The following WNT2 variants were observed in gnomAD, a reference collection of about 807,000 sequenced individuals.
WNT2 encodes the protein Wnt family member 2, also known as protein Wnt-2.
In WNT2, 12 loss-of-function variants were observed where a neutral mutation model predicts 36.9. That is an observed-to-expected ratio of 0.33 (90% confidence interval 0.21 to 0.53). The LOEUF (loss-of-function observed/expected upper bound fraction) is 0.53, where lower values mean the gene tolerates loss of function less well. Among genes scored for constraint, WNT2 ranks in the 20% least tolerant of loss-of-function variants. The pLI is 0.95. For missense variants in WNT2, 379 were observed against 473.1 expected, an observed-to-expected ratio of 0.80 and a Z score of 1.84; for synonymous variants, 163 against 174.6, an observed-to-expected ratio of 0.93 and a Z score of 0.52.
intron 3 of WNT2, 113 bp from the exon 4 acceptor site, chr7:117,297,989 G>A (rs550274908): frequency 3.3e-5 from 45 of 1,365,472 alleles, no homozygotes; most frequent in Non-Finnish European, 4.3e-5. Context: ...GGATCCTGGG[G>A]CAAGTGACTG....
chr7:117,315,068 T>G lies in WNT2; in HGVS notation c.588+3A>C. On this transcript the variant is annotated splice_donor_region_variant and intron_variant, in intron 3 of 4. Transcript: ENST00000265441. ...CAAAATGAGCACCGTTGCATTTCCA[T>G]ACCTTCCTGCCAGCTCTGTTGTTGT... 6.2e-7 allele frequency: 1 copy of G among 1,613,750 alleles called. No individual in the cohort carries two copies. The highest frequency in any genetic ancestry group is 8.5e-7 in the Non-Finnish European group (1 of 1,179,750).
chr7:117,300,742 T>A (rs1360647620), intron 3 of WNT2: 2 of 152,300 alleles, frequency 1.3e-5, no homozygotes, highest in African/African-American at 4.8e-5. Flanking sequence ...GAGGCTGCAG[T>A]GAGCTATGAT....
intron 4 of WNT2, among the ~76,000 whole-genome samples, chr7:117,295,503 T>G (rs1229579274): frequency 6.6e-6 from 1 of 152,100 alleles, no homozygotes; most frequent in African/African-American, 2.4e-5. Context: ...AAAAAAAATA[T>G]GGTCTATATT....
Position 117,292,501 on chromosome 7 carries a change from C to T in WNT2, c.853+5111G>A, listed in dbSNP as rs143909505. 4.6e-5 allele frequency among the ~76,000 whole-genome samples: 7 copies of T among 152,266 alleles called. No homozygotes were observed. In the East Asian group the frequency reaches 1.4e-3, roughly 29 times the overall value. On this transcript the variant is annotated intron_variant, in intron 4 of 4. Coordinates refer to ENST00000265441, the MANE Select transcript of WNT2 (RefSeq NM_003391.3). Reference sequence around the variant, plus strand: ...GTACATAAGGTGTGTAGCGCAGGGCCTGACTCGCAGCAGGAAATCAACAAA... The same window carrying T: ...GTACATAAGGTGTGTAGCGCAGGGCTTGACTCGCAGCAGGAAATCAACAAA...
intron 3 of WNT2, among the ~76,000 whole-genome samples, chr7:117,302,986 T>C (rs897555962): frequency 6.6e-6 from 1 of 152,198 alleles, no homozygotes; most frequent in African/African-American, 2.4e-5. Context: ...TGAGGCTTTC[T>C]TCCTGGCAAC....
In WNT2 at chr7:117,277,803, T is replaced by A; in HGVS notation, c.*352A>T. On this transcript the variant is annotated 3_prime_UTR_variant, in exon 5 of 5. Coordinates refer to ENST00000265441, the MANE Select transcript of WNT2 (RefSeq NM_003391.3). ...AGAAAGCTCCTTTGAGACACTTTTT[T>A]TTCTGCTTGGCCAACTGCTCTAGAA... 4.4e-6 allele frequency: 1 copy of A among 229,824 alleles called. No individual in the cohort carries two copies. The allele number at this position is 229,824 out of a possible 1,614,324, so 14.2% of individuals were successfully genotyped here. A position where few individuals can be genotyped will look rare whatever the true frequency, so the allele number is the denominator to read the frequency against.
At chr7:117,321,322 C>G (rs1339099417) in intron 1 of WNT2, among the ~76,000 whole-genome samples, 2 of 152,226 alleles carry the variant, frequency 1.3e-5, no homozygotes, top group East Asian at 3.8e-4. Flanking sequence ...TCCTCACAGA[C>G]AGGCTGTTCT....
chr7:117,316,758 G>A (rs1426069743), intron 2 of WNT2, among the ~76,000 whole-genome samples: 5 of 152,168 alleles, frequency 3.3e-5, no homozygotes, highest in Non-Finnish European at 5.9e-5. Context: ...ATGCCCTGTA[G>A]TTAGGTAAAA....
chr7:117,279,988 G>A lies in WNT2; in HGVS notation c.854-1604C>T, dbSNP rs1794453206. Among the ~76,000 whole-genome samples, 3 of 152,064 alleles carry A rather than the reference G, an allele frequency of 2.0e-5. No homozygotes were observed. In the South Asian group the frequency reaches 6.2e-4, roughly 31 times the overall value. On this transcript the variant is annotated intron_variant, in intron 4 of 4. Coordinates refer to ENST00000265441, the MANE Select transcript of WNT2 (RefSeq NM_003391.3). ...CTGTGTTGGAATTATCTACAGAAAT[G>A]TCATGTTGCCCTGCCTGTTCGGGAT... is the stretch of plus-strand genomic sequence containing the variant.
intron 3 of WNT2, among the ~76,000 whole-genome samples, chr7:117,309,168 G>T (rs1051059869): frequency 6.6e-6 from 1 of 151,352 alleles, no homozygotes; most frequent in Non-Finnish European, 1.5e-5. Context: ...TGGGTGACAG[G>T]GTGAGACCCT....
rs952677086 is a variant in WNT2 at position 117,320,550 on chromosome 7, G to A, written c.310+17C>T. On this transcript the variant is annotated intron_variant, in intron 2 of 4. Coordinates refer to ENST00000265441, the MANE Select transcript of WNT2 (RefSeq NM_003391.3). Reference sequence around the variant, plus strand: ...TGAGTGGAGAGCCATAGGGCTGGGTGAAGGCAGGAGACTTACTTCGGAGTA... The same window carrying A: ...TGAGTGGAGAGCCATAGGGCTGGGTAAAGGCAGGAGACTTACTTCGGAGTA... 6.2e-7 allele frequency: 1 copy of A among 1,606,896 alleles called. No individual in the cohort carries two copies. The highest frequency in any genetic ancestry group is 8.5e-7 in the Non-Finnish European group (1 of 1,176,024).
At chr7:117,306,033 T>G (rs1795008482) in intron 3 of WNT2, among the ~76,000 whole-genome samples, 4 of 152,248 alleles carry the variant, frequency 2.6e-5, no homozygotes, top group African/African-American at 4.8e-5. Flanking sequence ...TTCTCAGGGC[T>G]TCTTCCCTCC....
At position 117,278,277 on chromosome 7, in the gene WNT2, T is replaced by G. The variant is rs772327703; in HGVS notation, c.961A>C (p.Met321Leu). ...RGYDTSHVTR[M>L]TKCGCKFHWC... ...TGGAACTTACACCCACACTTGGTCA[T>G]CCGGGTGACATGGGAGGTGTCGTAG... The change falls in exon 5 of 5, where the codon ATG becomes CTG. Residue 321 changes from methionine to leucine, a missense_variant. Coordinates refer to ENST00000265441, the MANE Select transcript of WNT2 (RefSeq NM_003391.3). 1.2e-6 allele frequency: 2 copies of G among 1,614,220 alleles called. No homozygotes were observed. The highest frequency in any genetic ancestry group is 1.7e-6 in the Non-Finnish European group (2 of 1,180,032).
At chr7:117,289,587 C>G (rs1794648461) in intron 4 of WNT2, among the ~76,000 whole-genome samples, 1 of 152,222 alleles carries the variant, frequency 6.6e-6, no homozygotes, top group African/African-American at 2.4e-5. Flanking sequence ...GCAGCGCTAA[C>G]ACACAGAAGA....
At chr7:117,318,886 T>C (rs1331887610) in intron 2 of WNT2, among the ~76,000 whole-genome samples, 1 of 152,248 alleles carries the variant, frequency 6.6e-6, no homozygotes, top group Admixed American at 6.5e-5. Flanking sequence ...AGTTACAGTA[T>C]TTTATAAATG....
intron 2 of WNT2, among the ~76,000 whole-genome samples, chr7:117,319,527 G>GT (rs1363382289): frequency 2.7e-5 from 4 of 148,972 alleles, no homozygotes; most frequent in African/African-American, 9.9e-5. Flanking sequence ...GGAATTGGGG[G>GT]GGGGGGTAGG....
chr7:117,288,720 T>A (rs894975240), intron 4 of WNT2, among the ~76,000 whole-genome samples: 8 of 152,052 alleles, frequency 5.3e-5, no homozygotes, highest in Admixed American at 3.3e-4. Context: ...TCTTTTTTTT[T>A]AGAAAAAAAA....
intron 3 of WNT2, among the ~76,000 whole-genome samples, chr7:117,304,432 ATTTT>A (rs3034483): frequency 0.044 from 5,178 of 116,936 alleles, 217 homozygotes; most frequent in African/African-American, 0.1. Flanking sequence ...TCTCCTCCAC[ATTTT>A]TTTTTTTTTT....
At chr7:117,321,098 G>A (rs1795316573) in intron 1 of WNT2, among the ~76,000 whole-genome samples, 1 of 152,188 alleles carries the variant, frequency 6.6e-6, no homozygotes, top group South Asian at 2.1e-4. Flanking sequence ...CGGCATTTGG[G>A]GAAGTGAATG....
Sources: gnomAD v4.1 joint callset for allele counts (sites outside exome capture counted in the v4.1 genomes callset) on GRCh38, gnomAD v4.1.1 for gene constraint, MANE v1.5 for transcripts, NCBI Gene and HGNC (gene_info 2026-07-23, HGNC 2026-07-21) for gene names.